CDC25C: variants seen among roughly 807,000 people sequenced by gnomAD.
CDC25C encodes M-phase inducer phosphatase 3.
A neutral mutation model predicts 52.5 loss-of-function variants in CDC25C; 48 were observed. The observed-to-expected ratio is 0.91, with a 90% CI of 0.72 to 1.16. The LOEUF (loss-of-function observed/expected upper bound fraction) is 1.16. CDC25C is among the 50% of genes most tolerant of loss of function. The pLI is 0.00. For synonymous variants in CDC25C, 187 were observed against 206.5 expected (o/e 0.91, Z 0.81); for missense variants, 510 against 566.1 (o/e 0.90, Z 1.01).
At chr5:138,334,571 C>CA (rs1287747919), upstream of CDC25C, among the ~76,000 whole-genome samples, 21 of 148,282 alleles carry the variant, frequency 1.4e-4, no homozygotes, top group African/African-American at 4.7e-4. Context: ...AGGCTGGTCT[C>CA]AAACTCCTGA....
At chr5:138,321,794 TTTATC>T (rs964947795) in intron 6 of CDC25C, among the ~76,000 whole-genome samples, 2 of 146,346 alleles carry the variant, frequency 1.4e-5, no homozygotes, top group African/African-American at 5.1e-5. Context: ...CATGATCAAC[TTTATC>T]TTCATAGGAT....
chr5:138,302,358 A>G (rs1051350316), intron 7 of CDC25C, among the ~76,000 whole-genome samples: 1 of 152,068 alleles, frequency 6.6e-6, no homozygotes, highest in Admixed American at 6.5e-5. Context: ...GAAGGATCAT[A>G]TGTCACAACC....
intron 3 of CDC25C, 109 bp from the exon 4 acceptor site, chr5:138,328,638 G>C: frequency 1.1e-6 from 1 of 898,788 alleles, no homozygotes; most frequent in South Asian, 1.4e-5. Flanking sequence ...TTCAAGGACT[G>C]AGCTTTTGAA....
At chr5:138,307,640 C>T (rs1224631583) in intron 7 of CDC25C, among the ~76,000 whole-genome samples, 1 of 151,896 alleles carries the variant, frequency 6.6e-6, no homozygotes, top group Admixed American at 6.6e-5. Context: ...TCTGTCAAGG[C>T]TCTATTGTCC....
chr5:138,338,150 C>G (rs1760848720), exon 1 of CDC25C: 1 of 1,289,734 alleles, frequency 7.8e-7, no homozygotes, highest in African/African-American at 1.5e-5. Flanking sequence ...GAGCTGCGCC[C>G]TCCATGGGTG....
At chr5:138,326,412 G>C (rs1013530920) in intron 4 of CDC25C, among the ~76,000 whole-genome samples, 1 of 151,972 alleles carries the variant, frequency 6.6e-6, no homozygotes, top group Non-Finnish European at 1.5e-5. Context: ...CACGACCTCG[G>C]CTCACAGCAA....
At chr5:138,329,406 CA>C in intron 3 of CDC25C, 146 bp downstream of exon 3, 1 of 604,672 alleles carries the variant, frequency 1.7e-6, no homozygotes, top group Non-Finnish European at 3.0e-6. Flanking sequence ...TAATCATTCT[CA>C]AAAATCCTCT....
chr5:138,306,731 C>G (rs909347093), intron 7 of CDC25C, among the ~76,000 whole-genome samples: 12 of 151,416 alleles, frequency 7.9e-5, no homozygotes, highest in African/African-American at 2.9e-4. Context: ...CCACCTCAGC[C>G]TCCCAAAGTG....
At chr5:138,292,768 T>C (rs577066089) in intron 7 of CDC25C, among the ~76,000 whole-genome samples, 36 of 152,290 alleles carry the variant, frequency 2.4e-4, no homozygotes, top group African/African-American at 3.4e-4. Context: ...TATAAGAGGA[T>C]AGACTGTTGT....
At chr5:138,286,673 T>C (rs751682434) in intron 11 of CDC25C, 43 bp from the exon 12 acceptor site, 2 of 1,567,810 alleles carry the variant, frequency 1.3e-6, no homozygotes, top group Non-Finnish European at 1.7e-6. Context: ...CAGGGGCTTA[T>C]AGACAGTGCC....
intron 8 of CDC25C, among the ~76,000 whole-genome samples, chr5:138,291,421 T>C (rs1052618832): frequency 1.4e-5 from 2 of 146,756 alleles, no homozygotes; most frequent in East Asian, 2.0e-4. Flanking sequence ...ACATTTCTCT[T>C]TTTTTTTTTT....
intron 7 of CDC25C, among the ~76,000 whole-genome samples, chr5:138,296,906 C>CT (rs1300029259): frequency 0.098 from 7,819 of 80,162 alleles, 533 homozygotes; most frequent in African/African-American, 0.15. Context: ...CGCCCGGCCA[C>CT]TTTTTTTTTT....
intron 6 of CDC25C, among the ~76,000 whole-genome samples, chr5:138,322,008 A>T (rs1759445245): frequency 6.6e-6 from 1 of 151,832 alleles, no homozygotes; most frequent in South Asian, 2.1e-4. Context: ...TTATTATTTT[A>T]TTTTATTTTT....
At chr5:138,297,795 CAAA>C (rs1301990512) in intron 7 of CDC25C, among the ~76,000 whole-genome samples, 10 of 151,902 alleles carry the variant, frequency 6.6e-5, no homozygotes, top group African/African-American at 2.2e-4. Context: ...TAAATCAAAA[CAAA>C]GAAGGATGAA....
chr5:138,287,099 G>T, intron 11 of CDC25C, 70 bp downstream of exon 11: 1 of 1,064,214 alleles, frequency 9.4e-7, no homozygotes, highest in Non-Finnish European at 1.4e-6. Flanking sequence ...AGACCCCTTT[G>T]TCCACAGACT....
At chr5:138,322,410 C>T (rs1051868278) in intron 6 of CDC25C, among the ~76,000 whole-genome samples, 15 of 151,476 alleles carry the variant, frequency 9.9e-5, no homozygotes, top group African/African-American at 2.7e-4. Context: ...ACTGATTCTC[C>T]TGCCTCAGCG....
At chr5:138,311,532 T>G (rs1758453556) in intron 7 of CDC25C, among the ~76,000 whole-genome samples, 1 of 152,082 alleles carries the variant, frequency 6.6e-6, no homozygotes, top group African/African-American at 2.4e-5. Flanking sequence ...GAGTTTGAAG[T>G]TACAGTGAGC....
chr5:138,304,187 G>C (rs960288795), intron 7 of CDC25C, among the ~76,000 whole-genome samples: 1 of 151,684 alleles, frequency 6.6e-6, no homozygotes, highest in Non-Finnish European at 1.5e-5. Flanking sequence ...TAATTTTTTT[G>C]AGACAGGGTC....
At chr5:138,298,535 A>ACTGG in intron 7 of CDC25C, among the ~76,000 whole-genome samples, 1 of 149,868 alleles carries the variant, frequency 6.7e-6, no homozygotes, top group East Asian at 2.0e-4. Context: ...GCAGATCACA[A>ACTGG]GGTCAAGAGA....
Sources: gnomAD v4.1 joint callset for allele counts (sites outside exome capture counted in the v4.1 genomes callset) on GRCh38, gnomAD v4.1.1 for gene constraint, MANE v1.5 for transcripts, NCBI Gene and HGNC (gene_info 2026-07-23, HGNC 2026-07-21) for gene names.